Variants in FAM168A observed in about 807,000 individuals in gnomAD.
The protein encoded by FAM168A is protein FAM168A.
Under a neutral mutation model 28.5 loss-of-function variants are expected in FAM168A, and 3 were observed. The ratio of observed to expected loss-of-function variants is 0.11; its 90% CI spans 0.05 to 0.27. The LOEUF is 0.27. Ranked by LOEUF, FAM168A falls within the 10% of genes least tolerant of loss-of-function variation. The pLI is 1.00. For synonymous variants in FAM168A, 122 were observed against 124.2 expected (o/e 0.98, Z 0.12); for missense variants, 222 against 311.5 (o/e 0.71, Z 2.16).
At chr11:73,408,772 C>A (rs1430331366) in intron 6 of FAM168A, among the ~76,000 whole-genome samples, 1 of 149,034 alleles carries the variant, frequency 6.7e-6, no homozygotes, top group Non-Finnish European at 1.5e-5. Context: ...CAAAGCAAGA[C>A]CCTGTCTCAA....
chr11:73,570,290 T>G (rs186568906), intron 1 of FAM168A, among the ~76,000 whole-genome samples: 1 of 152,248 alleles, frequency 6.6e-6, no homozygotes, highest in East Asian at 1.9e-4. Context: ...TTAAAACAAA[T>G]ACTGCACTTG....
At chr11:73,494,313 A>T (rs909222404) in intron 1 of FAM168A, among the ~76,000 whole-genome samples, 1 of 152,196 alleles carries the variant, frequency 6.6e-6, no homozygotes, top group African/African-American at 2.4e-5. Flanking sequence ...TCAGGCCCCT[A>T]GAGTCCCAGC....
intron 2 of FAM168A, among the ~76,000 whole-genome samples, chr11:73,451,277 C>T (rs1218118099): frequency 6.6e-6 from 1 of 152,146 alleles, no homozygotes; most frequent in Non-Finnish European, 1.5e-5. Flanking sequence ...TGGCTTAGAG[C>T]TAAATGTGAA....
chr11:73,514,641 G>T (rs181382761), intron 1 of FAM168A, among the ~76,000 whole-genome samples: 1 of 152,150 alleles, frequency 6.6e-6, no homozygotes. Context: ...AGACCAGCCT[G>T]AGCAACATGG....
At chr11:73,512,060 C>G (rs539235140) in intron 1 of FAM168A, among the ~76,000 whole-genome samples, 1 of 152,152 alleles carries the variant, frequency 6.6e-6, no homozygotes, top group South Asian at 2.1e-4. Context: ...AAAACAATAC[C>G]TGGCACACAG....
rs1260088187 is a variant in FAM168A at position 73,403,220 on chromosome 11, A to G, written c.*3543T>C. 2 of 152,198 alleles carry G rather than the reference A, an allele frequency of 1.3e-5. No individual in the cohort carries two copies. Among genetic ancestry groups the G allele is most frequent in the Non-Finnish European group, 2.9e-5 (2 of 68,016 alleles). 9.4% of individuals were successfully genotyped at this position (152,198 alleles called of 1,614,324 possible). Reference sequence around the variant, plus strand: ...GAAAGAACAGCAACTGTCCTATCTCATGAGGAAGAAATTAAATATGCATTT... The same window carrying G: ...GAAAGAACAGCAACTGTCCTATCTCGTGAGGAAGAAATTAAATATGCATTT... On this transcript the variant is annotated 3_prime_UTR_variant, in exon 8 of 8. Transcript: ENST00000356467.
At chr11:73,590,844 G>C (rs1046777845) in intron 1 of FAM168A, among the ~76,000 whole-genome samples, 2 of 152,014 alleles carry the variant, frequency 1.3e-5, no homozygotes, top group African/African-American at 4.8e-5. Context: ...TGTCTAAATA[G>C]GTTGAAGACT....
Position 73,544,772 on chromosome 11 carries a change from T to TATATATTTTATATATGTAATTATATATC in FAM168A, c.-19+53150_-19+53151insGATATATAATTACATATATAAAATATAT. 3.7e-3 allele frequency among the ~76,000 whole-genome samples: 387 copies of TATATATTTTATATATGTAATTATATATC among 103,532 alleles called. 14 individuals carry two copies. Among genetic ancestry groups the TATATATTTTATATATGTAATTATATATC allele is most frequent in the African/African-American group, 0.018 (365 of 20,408 alleles). The allele number at this position is 103,532 out of a possible 152,430, so 67.9% of individuals were successfully genotyped here. A position where few individuals can be genotyped will look rare whatever the true frequency, so the allele number is the denominator to read the frequency against. ...TATTTTATATGTAATTATATATAAT[T>TATATATTTTATATATGTAATTATATATC]ATATATAATTATATATTTTATATAT... On this transcript the variant is annotated intron_variant, in intron 1 of 7. Coordinates refer to ENST00000356467, the MANE Select transcript of FAM168A (RefSeq NM_015159.3).
At chr11:73,531,447 T>C (rs1943512333) in intron 1 of FAM168A, among the ~76,000 whole-genome samples, 1 of 152,166 alleles carries the variant, frequency 6.6e-6, no homozygotes, top group African/African-American at 2.4e-5. Flanking sequence ...GGAAGGCTTT[T>C]GAGAGGAGAA....
chr11:73,455,675 G>A (rs1867518408), intron 2 of FAM168A, among the ~76,000 whole-genome samples: 1 of 152,110 alleles, frequency 6.6e-6, no homozygotes, highest in Admixed American at 6.5e-5. Context: ...TTATAAAACT[G>A]GTAATCTTGC....
At chr11:73,562,354 C>G (rs558661383) in intron 1 of FAM168A, among the ~76,000 whole-genome samples, 4 of 152,316 alleles carry the variant, frequency 2.6e-5, no homozygotes, top group African/African-American at 7.2e-5. Context: ...ATAATATATG[C>G]AAATTATCTA....
At chr11:73,470,504 A>G (rs1389683657) in intron 1 of FAM168A, among the ~76,000 whole-genome samples, 1 of 152,196 alleles carries the variant, frequency 6.6e-6, no homozygotes, top group Non-Finnish European at 1.5e-5. Flanking sequence ...TTAGGCCATG[A>G]GGGATCTGCC....
intron 1 of FAM168A, among the ~76,000 whole-genome samples, chr11:73,523,018 A>AAAAAC (rs1318968520): frequency 7.6e-4 from 116 of 152,180 alleles, no homozygotes; most frequent in Non-Finnish European, 1.2e-3. Flanking sequence ...GTCTCAAACA[A>AAAAAC]AAAACAAAAC....
At chr11:73,485,323 C>G (rs1868038796) in intron 1 of FAM168A, among the ~76,000 whole-genome samples, 1 of 152,168 alleles carries the variant, frequency 6.6e-6, no homozygotes, top group African/African-American at 2.4e-5. Context: ...AAACAAATCA[C>G]ACACAGACCC....
At chr11:73,447,061 T>G (rs1867330325) in intron 2 of FAM168A, among the ~76,000 whole-genome samples, 2 of 152,208 alleles carry the variant, frequency 1.3e-5, no homozygotes, top group South Asian at 4.1e-4. Context: ...TGTTCTAACA[T>G]TTGATTATTC....
At chr11:73,501,828 G>A (rs369026599) in intron 1 of FAM168A, among the ~76,000 whole-genome samples, 96 of 152,210 alleles carry the variant, frequency 6.3e-4, no homozygotes, top group East Asian at 5.8e-4. Flanking sequence ...AAGGCCGGGC[G>A]CGGTGGCTCA....
chr11:73,511,104 G>C (rs1271876715), intron 1 of FAM168A, among the ~76,000 whole-genome samples: 3 of 151,838 alleles, frequency 2.0e-5, no homozygotes, highest in African/African-American at 7.3e-5. Context: ...CACAGACAAC[G>C]GACAAAGCCA....
chr11:73,582,020 T>G (rs1194604486), intron 1 of FAM168A, among the ~76,000 whole-genome samples: 5 of 151,628 alleles, frequency 3.3e-5, no homozygotes, highest in Non-Finnish European at 2.9e-5. Flanking sequence ...CCCAGCCAAC[T>G]TATTTGTTTA....
At chr11:73,532,203 T>C (rs978835363) in intron 1 of FAM168A, among the ~76,000 whole-genome samples, 5 of 152,158 alleles carry the variant, frequency 3.3e-5, no homozygotes, top group African/African-American at 1.2e-4. Flanking sequence ...TAGTGCTCTT[T>C]ATACATCTCT....
Sources: gnomAD v4.1 joint callset for allele counts (sites outside exome capture counted in the v4.1 genomes callset) on GRCh38, gnomAD v4.1.1 for gene constraint, MANE v1.5 for transcripts, NCBI Gene and HGNC (gene_info 2026-07-23, HGNC 2026-07-21) for gene names.